The following RFX7 variants were observed in gnomAD, a reference collection of about 807,000 sequenced individuals.
RFX7 encodes the protein DNA-binding protein RFX7.
Under a neutral mutation model 111.8 loss-of-function variants are expected in RFX7, and 26 were observed. The observed-to-expected ratio is 0.23, with a 90% CI of 0.17 to 0.32. The LOEUF (loss-of-function observed/expected upper bound fraction) is 0.32, where lower values mean the gene tolerates loss of function less well. Among genes scored for constraint, RFX7 ranks in the 10% least tolerant of loss-of-function variants. RFX7 has a pLI of 1.00. For missense variants in RFX7, 1,573 were observed against 1,772.9 expected, an observed-to-expected ratio of 0.89 and a Z score of 2.02; for synonymous variants, 624 against 624.4, an observed-to-expected ratio of 1.00 and a Z score of 0.01.
At chr15:56,180,211 TA>T (rs1237233871) in intron 2 of RFX7, among the ~76,000 whole-genome samples, 93 of 152,098 alleles carry the variant, frequency 6.1e-4, no homozygotes, top group African/African-American at 9.9e-4. Flanking sequence ...AGCTATAATA[TA>T]AAAAAAATTA....
At chr15:56,161,828 T>C (rs1422745885) in intron 3 of RFX7, among the ~76,000 whole-genome samples, 3 of 152,036 alleles carry the variant, frequency 2.0e-5, no homozygotes, top group African/African-American at 7.2e-5. Flanking sequence ...ATGGTTCAAA[T>C]AGCCAAAGGG....
rs78459034 is a variant in RFX7, at chr15:56,093,219, C to T, written c.*126G>A. On this transcript the variant is annotated 3_prime_UTR_variant, in exon 10 of 10. Coordinates refer to ENST00000559447, the MANE Select transcript of RFX7 (RefSeq NM_022841.7). The stretch of plus-strand genomic sequence containing the variant: ...TAACCATTTCCTACTGAAGAAACCA[C>T]TTCTGCAGCAAACGCTTTTAAAATG... The T allele has an allele frequency of 7.0e-3, 6,126 of 874,350 alleles. 238 individuals are homozygous for T. In the African/African-American group the frequency reaches 0.086, roughly 12 times the overall value. The allele number at this position is 874,350 out of a possible 1,614,324, so 54.2% of individuals were successfully genotyped here. A position where few individuals can be genotyped will look rare whatever the true frequency, so the allele number is the denominator to read the frequency against.
chr15:56,152,229 C>G (rs1407501686), intron 3 of RFX7, among the ~76,000 whole-genome samples: 1 of 152,192 alleles, frequency 6.6e-6, no homozygotes, highest in African/African-American at 2.4e-5. Flanking sequence ...GAACTCTCCA[C>G]CCCAAATCAA....
intron 5 of RFX7, among the ~76,000 whole-genome samples, chr15:56,107,223 G>A (rs1184421064): frequency 5.4e-5 from 8 of 147,936 alleles, no homozygotes; most frequent in Non-Finnish European, 1.2e-4. Context: ...CGTGAACCCA[G>A]GAGGCGGAGC....
rs567846585 is a variant in RFX7 at position 56,208,056 on chromosome 15, A to G, written c.162-28753T>C. Among the ~76,000 whole-genome samples the G allele has an allele frequency of 3.7e-4, 57 of 152,322 alleles. No homozygotes were observed. In the South Asian group the frequency reaches 0.011, roughly 30 times the overall value. On this transcript the variant is annotated intron_variant, in intron 2 of 9. Transcript: ENST00000559447. ...AAATCCAGTAATCAAGCATCTCCACACTTTTACCTCCAAGAGCTTGACCAG... is the reference window on the plus strand; with the variant it reads ...AAATCCAGTAATCAAGCATCTCCACGCTTTTACCTCCAAGAGCTTGACCAG...
At chr15:56,133,758 T>A (rs979465097) in intron 5 of RFX7, among the ~76,000 whole-genome samples, 2 of 152,156 alleles carry the variant, frequency 1.3e-5, no homozygotes, top group East Asian at 3.8e-4. Flanking sequence ...CTTTCTGTAG[T>A]GTTTCTACCT....
chr15:56,217,795 T>A (rs1230617159), intron 2 of RFX7, among the ~76,000 whole-genome samples: 1 of 152,206 alleles, frequency 6.6e-6, no homozygotes, highest in African/African-American at 2.4e-5. Context: ...TATTCAGGCA[T>A]AAATGCTAAA....
At position 56,094,287 on chromosome 15, in the gene RFX7, G is replaced by A; in HGVS notation, c.3441C>T (p.Ala1147=). ...TNKQEGFAVP[A]PLDNKGTNSS... ...AATTAGTTCCTTTATTATCAAGAGG[G>A]GCAGGGACTGCAAAACCCTCCTGTT... Residue 1147 remains alanine (A), a synonymous_variant, in exon 10 of 10, where the codon GCC becomes GCT. Coordinates refer to ENST00000559447, the MANE Select transcript of RFX7 (RefSeq NM_022841.7). The A allele has an allele frequency of 6.2e-7, 1 of 1,613,930 alleles. No individual in the cohort carries two copies. The highest frequency in any genetic ancestry group is 1.1e-5 in the South Asian group (1 of 91,080).
chr15:56,190,115 A>T (rs1431635133), intron 2 of RFX7, among the ~76,000 whole-genome samples: 1 of 152,224 alleles, frequency 6.6e-6, no homozygotes, highest in African/African-American at 2.4e-5. Flanking sequence ...TTTTACTTAT[A>T]TGAAGTTCTA....
chr15:56,108,055 C>G (rs758717370), intron 5 of RFX7, among the ~76,000 whole-genome samples: 1 of 152,106 alleles, frequency 6.6e-6, no homozygotes, highest in Admixed American at 6.5e-5. Flanking sequence ...GAAATTGAGG[C>G]AGTAATAAAT....
At chr15:56,189,646 A>C (rs2043080216) in intron 2 of RFX7, among the ~76,000 whole-genome samples, 1 of 152,234 alleles carries the variant, frequency 6.6e-6, no homozygotes, top group Non-Finnish European at 1.5e-5. Flanking sequence ...AAGATGTTCA[A>C]GGAACCAAGC....
chr15:56,109,947 C>A (rs1323064114), intron 5 of RFX7, among the ~76,000 whole-genome samples: 2 of 149,522 alleles, frequency 1.3e-5, no homozygotes, highest in Non-Finnish European at 3.0e-5. Context: ...GCCAGCCGCC[C>A]CATCCGGGAG....
intron 2 of RFX7, among the ~76,000 whole-genome samples, chr15:56,223,016 C>T (rs1258602054): frequency 2.0e-5 from 3 of 152,162 alleles, no homozygotes; most frequent in Admixed American, 2.0e-4. Context: ...ATAATTCTTA[C>T]TCTATGGGTA....
intron 3 of RFX7, among the ~76,000 whole-genome samples, chr15:56,175,210 TTA>T (rs1473892945): frequency 6.6e-6 from 1 of 152,128 alleles, no homozygotes; most frequent in Non-Finnish European, 1.5e-5. Flanking sequence ...CTAAAAACTT[TTA>T]GTTTTAATAA....
At chr15:56,151,526 G>A (rs968656200) in intron 3 of RFX7, among the ~76,000 whole-genome samples, 48 of 152,246 alleles carry the variant, frequency 3.2e-4, no homozygotes, top group African/African-American at 1.1e-3. Context: ...TTCTGTCACT[G>A]CCAGACCTGC....
At chr15:56,108,184 G>A (rs1170030085) in intron 5 of RFX7, among the ~76,000 whole-genome samples, 1 of 152,160 alleles carries the variant, frequency 6.6e-6, no homozygotes, top group Non-Finnish European at 1.5e-5. Flanking sequence ...GAAAAGGAAG[G>A]ACTCCTCCCT....
At chr15:56,232,070 G>A (rs11632081) in intron 2 of RFX7, among the ~76,000 whole-genome samples, 19,810 of 152,214 alleles carry the variant, frequency 0.13, 1,687 homozygotes, top group East Asian at 0.44. Context: ...TTATGGGCTG[G>A]TGTTGAGTGT....
chr15:56,234,880 T>C (rs2043605707), intron 2 of RFX7, among the ~76,000 whole-genome samples: 1 of 152,156 alleles, frequency 6.6e-6, no homozygotes, highest in African/African-American at 2.4e-5. Flanking sequence ...AAAAACTCAC[T>C]AAAATGGACT....
chr15:56,136,339 G>T (rs1464167493), intron 5 of RFX7, among the ~76,000 whole-genome samples: 1 of 141,640 alleles, frequency 7.1e-6, no homozygotes, highest in East Asian at 2.0e-4. Context: ...CACATCCCTT[G>T]TAAGTTGGAT....
Sources: allele counts gnomAD v4.1 joint callset (sites outside exome capture counted in the v4.1 genomes callset), GRCh38; gene constraint gnomAD v4.1.1; transcripts MANE v1.5; gene names NCBI Gene and HGNC (gene_info 2026-07-23, HGNC 2026-07-21).